Variants in ABCB5 observed in about 807,000 individuals in gnomAD.
ABCB5 encodes the protein ATP binding cassette subfamily B member 5.
ABCB5 carries 155 observed loss-of-function variants against 144.2 expected under a neutral mutation model. The observed-to-expected ratio is 1.08, with a 90% CI of 0.94 to 1.23. The LOEUF is 1.23. Ranked by LOEUF, ABCB5 falls within the 50% of genes most tolerant of loss-of-function variation. ABCB5 has a pLI of 0.00. For synonymous variants in ABCB5, 610 were observed against 528.6 expected, an observed-to-expected ratio of 1.15 and a Z score of -2.11; for missense variants, 1,830 against 1,520.8, an observed-to-expected ratio of 1.20 and a Z score of -3.38.
chr7:20,755,546 G>T lies in ABCB5; in HGVS notation c.3696G>T (p.Lys1232Asn). ...TGGTTCTGCACAATGGAAAGATAAA[G>T]GAACAAGGAACTCATCAAGAGCTCC... Reference protein sequence around the residue: ...LIVVLHNGKIKEQGTHQELLR... With the variant: ...LIVVLHNGKINEQGTHQELLR... Residue 1232 changes from lysine to asparagine, a missense_variant, in exon 28 of 28, where the codon AAG becomes AAT. Coordinates refer to ENST00000404938, the MANE Select transcript of ABCB5 (RefSeq NM_001163941.2). The T allele has an allele frequency of 6.2e-7, 1 of 1,614,160 alleles. No individual in the cohort carries two copies. The highest frequency in any genetic ancestry group is 1.1e-5 in the South Asian group (1 of 91,090).
intron 10 of ABCB5, 52 bp downstream of exon 10, chr7:20,647,700 A>G (rs1216474595): frequency 1.3e-6 from 2 of 1,531,420 alleles, no homozygotes; most frequent in African/African-American, 2.8e-5. Context: ...CAAGAAGGAG[A>G]CAAAAAAACA....
At chr7:20,706,611 T>C (rs1407608368) in intron 20 of ABCB5, among the ~76,000 whole-genome samples, 2 of 152,350 alleles carry the variant, frequency 1.3e-5, no homozygotes, top group Middle Eastern at 3.4e-3. Context: ...CAATAACTTC[T>C]AGACAAGTCA....
rs763540884 is a variant in ABCB5 at position 20,728,412 on chromosome 7, T to C, written c.2824T>C (p.Tyr942His). 1.9e-6 allele frequency: 3 copies of C among 1,614,160 alleles called. No homozygotes were observed. In the Admixed American group the frequency reaches 5.0e-5, roughly 27 times the overall value. The change falls in exon 23 of 28, where the codon TAT becomes CAT. Residue 942 changes from tyrosine to histidine, a missense_variant. Tyr to His is a moderately conservative substitution (Grantham distance 83, BLOSUM62 2). Transcript: ENST00000404938. ...AYAAGFRFGA[Y>H]LIQAGRMTPE... ...TGCGGCAGGGTTTCGATTTGGAGCC[T>C]ATTTAATTCAAGCTGGACGAATGAC...
chr7:20,717,505 T>C (rs1385302448), intron 20 of ABCB5, among the ~76,000 whole-genome samples: 1 of 150,330 alleles, frequency 6.7e-6, no homozygotes, highest in Non-Finnish European at 1.5e-5. Context: ...TGCAGTGGCG[T>C]TATGTTGGCT....
intron 23 of ABCB5, among the ~76,000 whole-genome samples, chr7:20,730,422 T>A (rs1782170423): frequency 6.6e-6 from 1 of 152,166 alleles, no homozygotes; most frequent in African/African-American, 2.4e-5. Flanking sequence ...GGCATGAGAA[T>A]CACTTGACCC....
intron 22 of ABCB5, 70 bp downstream of exon 22, chr7:20,727,210 C>A: frequency 1.8e-6 from 2 of 1,083,198 alleles, no homozygotes; most frequent in Non-Finnish European, 2.7e-6. Context: ...TCAAATGACT[C>A]CAGTGGTTTG....
intron 24 of ABCB5, among the ~76,000 whole-genome samples, chr7:20,741,437 A>T (rs543405422): frequency 4.4e-4 from 67 of 152,210 alleles, no homozygotes; most frequent in Admixed American, 7.9e-4. Flanking sequence ...AAAAAAATTT[A>T]AAAAATAAAA....
At chr7:20,656,909 TTTC>T (rs1463405302) in intron 13 of ABCB5, among the ~76,000 whole-genome samples, 4 of 64,586 alleles carry the variant, frequency 6.2e-5, no homozygotes, top group Non-Finnish European at 8.8e-5. Context: ...CTTTTTCCTT[TTTC>T]TTTTTTTTTT....
chr7:20,704,984 C>A (rs575914392), intron 20 of ABCB5, among the ~76,000 whole-genome samples, 177 bp downstream of exon 20: 1 of 152,144 alleles, frequency 6.6e-6, no homozygotes, highest in East Asian at 1.9e-4. Flanking sequence ...GAAGACTTTC[C>A]GTTCTGGATA....
At position 20,723,199 on chromosome 7, in the gene ABCB5, G is replaced by A; in HGVS notation, c.2605G>A (p.Glu869Lys). 6.2e-7 allele frequency: 1 copy of A among 1,614,064 alleles called. No homozygotes were observed. The highest frequency in any genetic ancestry group is 8.5e-7 in the Non-Finnish European group (1 of 1,180,020). Residue 869 changes from glutamate to lysine, a missense_variant, in exon 21 of 28, where the codon GAA (glutamate) becomes AAA (lysine). By Grantham distance (56) the Glu-to-Lys change is moderately conservative. Transcript: ENST00000404938. The stretch of plus-strand genomic sequence containing the variant: ...TGGATTTGCCAACAAAGATAAGCAA[G>A]AACTTAAGCATGCTGGAAAGGTAAA... ...MTGFANKDKQELKHAGKIATE... is the reference protein window; with the variant it reads ...MTGFANKDKQKLKHAGKIATE...
At chr7:20,685,858 A>G (rs773570322) in intron 16 of ABCB5, 22 bp downstream of exon 16, 8 of 1,561,662 alleles carry the variant, frequency 5.1e-6, no homozygotes, top group South Asian at 1.2e-5. Context: ...GCGATCAACC[A>G]GTTTTTCCTG....
intron 5 of ABCB5, among the ~76,000 whole-genome samples, chr7:20,641,352 AAC>A (rs111933366): frequency 0.49 from 53,324 of 108,074 alleles, 9,508 homozygotes; most frequent in African/African-American, 0.56. Context: ...ATTATTGCAA[AAC>A]ACACACACAC....
chr7:20,721,504 C>T lies in ABCB5; in HGVS notation c.2422-1512C>T, dbSNP rs553555940. Among the ~76,000 whole-genome samples, 45 of 152,112 alleles carry T rather than the reference C, an allele frequency of 3.0e-4. No individual in the cohort carries two copies. The South Asian group carries it at 5.0e-3, about 17-fold the overall frequency. ...ATTATGGTTACTATTTATTTTTGAC[C>T]TTTCTCCTATTTTGGCCCACTTTTA... On this transcript the variant is annotated intron_variant, in intron 20 of 27. Transcript: ENST00000404938.
At chr7:20,647,275 T>G (rs892288378) in intron 9 of ABCB5, 1 of 1,208,446 alleles carries the variant, frequency 8.3e-7, no homozygotes, top group African/African-American at 1.6e-5. Context: ...ACCACAAGAC[T>G]ATGAGATAAT....
intron 20 of ABCB5, among the ~76,000 whole-genome samples, chr7:20,721,809 G>T (rs1781877444): frequency 6.6e-6 from 1 of 152,110 alleles, no homozygotes. Flanking sequence ...GAACATTTTT[G>T]AAGGTGATTT....
chr7:20,660,211 T>A, intron 14 of ABCB5: 1 of 984,812 alleles, frequency 1.0e-6, no homozygotes, highest in Non-Finnish European at 1.2e-6. Flanking sequence ...GAATGCAGAA[T>A]GTTTGTAAAC....
At chr7:20,641,414 G>A (rs554157807) in intron 5 of ABCB5, 6 of 152,126 alleles carry the variant, frequency 3.9e-5, no homozygotes, top group African/African-American at 1.2e-4. Context: ...TAGTCCCAGC[G>A]TTATGTACCA....
chr7:20,637,483 T>A (rs948432748), intron 5 of ABCB5, among the ~76,000 whole-genome samples: 20 of 151,524 alleles, frequency 1.3e-4, no homozygotes, highest in African/African-American at 4.4e-4. Context: ...TGCAATGGCA[T>A]GATCTTGGCT....
rs924135820 is a variant in ABCB5 at position 20,720,764 on chromosome 7, T to A, written c.2422-2252T>A. On this transcript the variant is annotated intron_variant, in intron 20 of 27. Coordinates refer to ENST00000404938, the MANE Select transcript of ABCB5 (RefSeq NM_001163941.2). ...ATCGAGACCATCCTGGCTAACACGGTGAAACCCCGTCTCTACTAAAAATAC... is the reference window on the plus strand; with the variant it reads ...ATCGAGACCATCCTGGCTAACACGGAGAAACCCCGTCTCTACTAAAAATAC... Among the ~76,000 whole-genome samples the A allele has an allele frequency of 4.2e-4, 64 of 151,466 alleles. 1 individual carries two copies. Among genetic ancestry groups the A allele is most frequent in the African/African-American group, 1.5e-3 (63 of 41,294 alleles).
Sources: gnomAD v4.1 joint callset for allele counts (sites outside exome capture counted in the v4.1 genomes callset) on GRCh38, gnomAD v4.1.1 for gene constraint, MANE v1.5 for transcripts, NCBI Gene and HGNC (gene_info 2026-07-23, HGNC 2026-07-21) for gene names.